RALYL: variants seen among roughly 807,000 people sequenced by gnomAD.
The protein encoded by RALYL is RNA-binding Raly-like protein.
In RALYL, 29 loss-of-function variants were observed where a neutral mutation model predicts 35.1. That is an observed-to-expected ratio of 0.83 (90% CI 0.61 to 1.13). The LOEUF (loss-of-function observed/expected upper bound fraction) is 1.13. Among genes scored for constraint, RALYL ranks in the 50% most tolerant of loss-of-function variants. RALYL has a pLI of 0.00. For synonymous variants in RALYL, 120 were observed against 127.6 expected, an observed-to-expected ratio of 0.94 and a Z score of 0.40; for missense variants, 359 against 360.4, an observed-to-expected ratio of 1.00 and a Z score of 0.03.
At chr8:84,805,162 T>A (rs1025700663) in intron 4 of RALYL, among the ~76,000 whole-genome samples, 1 of 152,204 alleles carries the variant, frequency 6.6e-6, no homozygotes, top group Non-Finnish European at 1.5e-5. Context: ...CATTCTCCAT[T>A]TCTTTTCAAT....
chr8:84,577,635 G>C (rs1809779845), intron 2 of RALYL, among the ~76,000 whole-genome samples: 1 of 151,930 alleles, frequency 6.6e-6, no homozygotes, highest in Non-Finnish European at 1.5e-5. Context: ...TCAAGATGTT[G>C]AGATTTTTGT....
At chr8:84,291,976 T>C (rs1442291240) in intron 1 of RALYL, among the ~76,000 whole-genome samples, 6 of 150,624 alleles carry the variant, frequency 4.0e-5, no homozygotes, top group Admixed American at 1.3e-4. Context: ...GAATATATAT[T>C]AGCTATATAT....
At chr8:84,785,826 GA>G (rs1211867723) in intron 3 of RALYL, among the ~76,000 whole-genome samples, 1 of 152,004 alleles carries the variant, frequency 6.6e-6, no homozygotes, top group Non-Finnish European at 1.5e-5. Context: ...TTTGATTAGA[GA>G]AAAAAACATT....
At chr8:84,798,182 T>A (rs189085371) in intron 3 of RALYL, among the ~76,000 whole-genome samples, 1 of 152,290 alleles carries the variant, frequency 6.6e-6, no homozygotes, top group East Asian at 1.9e-4. Flanking sequence ...CCAGCCCAAA[T>A]GTCTCACCTG....
intron 2 of RALYL, among the ~76,000 whole-genome samples, chr8:84,562,684 T>G (rs2061541088): frequency 6.6e-6 from 1 of 151,844 alleles, no homozygotes; most frequent in Non-Finnish European, 1.5e-5. Flanking sequence ...ACCTTCTTGC[T>G]ATACAAAATG....
chr8:84,800,756 T>A (rs1823054872), intron 3 of RALYL, among the ~76,000 whole-genome samples: 1 of 152,204 alleles, frequency 6.6e-6, no homozygotes, highest in East Asian at 1.9e-4. Flanking sequence ...AATTGATAAA[T>A]AATTTTCTAC....
In RALYL at chr8:84,807,929, G is replaced by A. The variant is rs182115278; in HGVS notation, c.365+3127G>A. On this transcript the variant is annotated intron_variant, in intron 4 of 8. Coordinates refer to ENST00000521268, the MANE Select transcript of RALYL (RefSeq NM_173848.7). ...TCTGGATATTAGTCCTTTGTTAGAT[G>A]TATAGATTGTGAAGATTTTCTCCCA... Among the ~76,000 whole-genome samples, 233 of 152,288 alleles carry A rather than the reference G, an allele frequency of 1.5e-3. 1 individual carries two copies. The highest frequency in any genetic ancestry group is 5.3e-3 in the African/African-American group (221 of 41,578).
intron 1 of RALYL, among the ~76,000 whole-genome samples, chr8:84,308,161 G>A (rs12548307): frequency 0.41 from 61,083 of 150,110 alleles, 12,798 homozygotes; most frequent in East Asian, 0.52. Flanking sequence ...GATTCTACAC[G>A]GAAAAAAAAA....
chr8:84,686,520 T>C (rs1836828521), intron 2 of RALYL, among the ~76,000 whole-genome samples: 1 of 152,168 alleles, frequency 6.6e-6, no homozygotes, highest in Non-Finnish European at 1.5e-5. Context: ...TTCTCCTGCC[T>C]CAGCCTCCTG....
At chr8:84,901,957 TC>T (rs1845769380) in intron 8 of RALYL, among the ~76,000 whole-genome samples, 2 of 152,124 alleles carry the variant, frequency 1.3e-5, no homozygotes, top group Admixed American at 1.3e-4. Context: ...GAAGGGTGGT[TC>T]TTTGCAATAA....
chr8:84,304,446 T>C (rs995082291), intron 1 of RALYL, among the ~76,000 whole-genome samples: 3 of 152,192 alleles, frequency 2.0e-5, no homozygotes, highest in Non-Finnish European at 4.4e-5. Flanking sequence ...TAATATGGGA[T>C]ATTAGTGAAG....
chr8:84,876,069 A>G (rs977367424), intron 7 of RALYL, among the ~76,000 whole-genome samples: 11 of 152,070 alleles, frequency 7.2e-5, no homozygotes, highest in Admixed American at 2.0e-4. Context: ...TCAGTACATT[A>G]CTTTGGATTT....
At chr8:84,435,591 A>G (rs1460386167) in intron 1 of RALYL, among the ~76,000 whole-genome samples, 1 of 152,150 alleles carries the variant, frequency 6.6e-6, no homozygotes, top group African/African-American at 2.4e-5. Context: ...TACCCACCAT[A>G]TAACAAGATT....
At chr8:84,786,742 T>C (rs533410584) in intron 3 of RALYL, among the ~76,000 whole-genome samples, 1 of 152,192 alleles carries the variant, frequency 6.6e-6, no homozygotes, top group Non-Finnish European at 1.5e-5. Context: ...CTTTGTCAGA[T>C]GGTTAGATTG....
chr8:84,839,798 T>G (rs1832815519), intron 4 of RALYL, among the ~76,000 whole-genome samples: 1 of 152,180 alleles, frequency 6.6e-6, no homozygotes, highest in Non-Finnish European at 1.5e-5. Context: ...GGCAGCAACA[T>G]TTGCTGCTCA....
chr8:84,835,547 G>GTGGTGCAT (rs1015383890), intron 4 of RALYL, among the ~76,000 whole-genome samples: 1 of 150,910 alleles, frequency 6.6e-6, no homozygotes, highest in Non-Finnish European at 1.5e-5. Context: ...GCTGGGCATG[G>GTGGTGCAT]TGGTGCATGC....
At chr8:84,468,207 G>C (rs537114751) in intron 1 of RALYL, among the ~76,000 whole-genome samples, 1 of 151,862 alleles carries the variant, frequency 6.6e-6, no homozygotes, top group South Asian at 2.1e-4. Flanking sequence ...TGGTGATTTT[G>C]CTCGTTAGTT....
At chr8:84,842,894 A>C (rs1169792528) in intron 4 of RALYL, among the ~76,000 whole-genome samples, 1 of 152,180 alleles carries the variant, frequency 6.6e-6, no homozygotes, top group Non-Finnish European at 1.5e-5. Flanking sequence ...TAGACACAGA[A>C]AGGCCTTTGA....
intron 1 of RALYL, among the ~76,000 whole-genome samples, chr8:84,462,266 T>G (rs1048000259): frequency 6.6e-6 from 1 of 151,738 alleles, no homozygotes; most frequent in Non-Finnish European, 1.5e-5. Context: ...CTTCAGATAT[T>G]TTGTCCATGT....
Sources: gnomAD v4.1 joint callset for allele counts (sites outside exome capture counted in the v4.1 genomes callset) on GRCh38, gnomAD v4.1.1 for gene constraint, MANE v1.5 for transcripts, NCBI Gene and HGNC (gene_info 2026-07-23, HGNC 2026-07-21) for gene names.